TENT4A: variants seen among roughly 807,000 people sequenced by gnomAD.
TENT4A encodes terminal nucleotidyltransferase 4A, also known as DNA polymerase kappa.
Under a neutral mutation model 72.8 loss-of-function variants are expected in TENT4A, and 7 were observed. That is an observed-to-expected ratio of 0.10 (90% CI 0.05 to 0.18). The LOEUF (loss-of-function observed/expected upper bound fraction) is 0.18, where lower values mean the gene tolerates loss of function less well. TENT4A is among the 10% of genes least tolerant of loss of function. The pLI is 1.00. For synonymous variants in TENT4A, 456 were observed against 434.3 expected (o/e 1.05, Z -0.62); for missense variants, 831 against 1,017.7 (o/e 0.82, Z 2.50).
At chr5:6,718,039 G>A (rs1740471586) in intron 1 of TENT4A, among the ~76,000 whole-genome samples, 2 of 152,238 alleles carry the variant, frequency 1.3e-5, no homozygotes, top group Non-Finnish European at 2.9e-5. Context: ...GCCTTTCGAA[G>A]GCTGTGCCAT....
At chr5:6,754,211 C>T (rs949137746) in intron 12 of TENT4A, among the ~76,000 whole-genome samples, 1 of 152,208 alleles carries the variant, frequency 6.6e-6, no homozygotes, top group East Asian at 1.9e-4. Context: ...CTCCATCACC[C>T]AGGCTGGAGT....
At chr5:6,724,132 A>C (rs990485031) in intron 1 of TENT4A, among the ~76,000 whole-genome samples, 2 of 152,234 alleles carry the variant, frequency 1.3e-5, no homozygotes, top group African/African-American at 4.8e-5. Flanking sequence ...CGTCTTGCCC[A>C]AGGCGCTACT....
At chr5:6,730,761 A>AAG (rs1241355340) in intron 1 of TENT4A, among the ~76,000 whole-genome samples, 2 of 152,068 alleles carry the variant, frequency 1.3e-5, no homozygotes, top group East Asian at 3.9e-4. Flanking sequence ...AATTTAAAAA[A>AAG]AAAAAAAAAA....
rs139235364 is a variant in TENT4A, at chr5:6,720,370, GTTC to G, written c.716+5677_716+5679del. ...AGAATCCGTTGATGAGCAGGTTGTG[GTTC>G]TTCTTGTCCAACACTTTTCCCCTGA... On this transcript the variant is annotated intron_variant, in intron 1 of 12. Transcript: ENST00000230859. Among the ~76,000 whole-genome samples, 344 of 152,172 alleles carry G rather than the reference GTTC, an allele frequency of 2.3e-3. 1 individual carries two copies. Among genetic ancestry groups the G allele is most frequent in the African/African-American group, 8.1e-3 (336 of 41,504 alleles).
At position 6,713,557 on chromosome 5, in the gene TENT4A, G is replaced by T; in HGVS notation, c.-427G>T. The T allele has an allele frequency of 6.8e-6, 1 of 147,792 alleles. No homozygotes were observed. Among genetic ancestry groups the T allele is most frequent in the South Asian group, 1.8e-4 (1 of 5,420 alleles). The allele number at this position is 147,792 out of a possible 1,614,324, so 9.2% of individuals were successfully genotyped here. ...CCGCACGGGCGGCGGCGCCTCCCGC[G>T]GGTCCTTCAGCCGCTCGGCGCCTGG... On this transcript the variant is annotated 5_prime_UTR_variant, in exon 1 of 13. Transcript: ENST00000230859.
Position 6,737,630 on chromosome 5 carries a change from T to C in TENT4A, c.837T>C (p.Ala279=). The change falls in exon 2 of 13, where the codon GCT becomes GCC. Residue 279 remains alanine, a synonymous_variant. Transcript: ENST00000230859. ...ETVVKDLWPT[A]DVQIFGSFST... Reference sequence around the variant, plus strand: ...TGGTGAAAGACCTTTGGCCGACGGCTGATGTGAGTATGTTCTTTGGAGTTC... The same window carrying C: ...TGGTGAAAGACCTTTGGCCGACGGCCGATGTGAGTATGTTCTTTGGAGTTC... 1 of 1,613,784 alleles carries C rather than the reference T, an allele frequency of 6.2e-7. No homozygotes were observed. Among genetic ancestry groups the C allele is most frequent in the East Asian group, 2.2e-5 (1 of 44,882 alleles).
In TENT4A at chr5:6,748,403, C is replaced by G. The variant is rs913092634; in HGVS notation, c.1460-61C>G. 4 of 1,596,456 alleles carry G rather than the reference C, an allele frequency of 2.5e-6. No homozygotes were observed. The African/African-American group carries it at 4.0e-5, about 16-fold the overall frequency. ...TTCAGAGTCACTTGTATGAGAAGAT[C>G]CAAAACATGTGGACGATGGTGTGCA... On this transcript the variant is annotated intron_variant, in intron 7 of 12. Coordinates refer to ENST00000230859, the MANE Select transcript of TENT4A (RefSeq NM_006999.6).
At chr5:6,726,908 A>T (rs1020076534) in intron 1 of TENT4A, among the ~76,000 whole-genome samples, 1 of 151,844 alleles carries the variant, frequency 6.6e-6, no homozygotes, top group Non-Finnish European at 1.5e-5. Flanking sequence ...TGAGTCTTGG[A>T]TACTTTGTTA....
chr5:6,741,784 A>C (rs1741818838), intron 4 of TENT4A, among the ~76,000 whole-genome samples: 1 of 152,174 alleles, frequency 6.6e-6, no homozygotes, highest in Non-Finnish European at 1.5e-5. Context: ...TTTTCGTTAG[A>C]CACTGATTGT....
intron 12 of TENT4A, among the ~76,000 whole-genome samples, chr5:6,753,589 T>C (rs1165042724): frequency 6.6e-6 from 1 of 152,224 alleles, no homozygotes. Flanking sequence ...TAAGTCTCTA[T>C]ATTCTTGAAG....
intron 12 of TENT4A, 99 bp from the exon 13 acceptor site, chr5:6,754,652 A>G (rs2126664746): frequency 4.4e-6 from 4 of 900,316 alleles, no homozygotes; most frequent in African/African-American, 3.4e-5. Flanking sequence ...CCTGCTCTCT[A>G]TGTAACATCA....
rs190277010 is a variant in TENT4A at position 6,737,407 on chromosome 5, G to A, written c.717-103G>A. The A allele has an allele frequency of 7.2e-5, 76 of 1,049,060 alleles. 1 individual carries two copies. The highest frequency in any genetic ancestry group is 2.5e-4 in the Middle Eastern group (1 of 4,032). The allele number at this position is 1,049,060 out of a possible 1,614,324, so 65.0% of individuals were successfully genotyped here. A position where few individuals can be genotyped will look rare whatever the true frequency, so the allele number is the denominator to read the frequency against. On this transcript the variant is annotated intron_variant, in intron 1 of 12. Coordinates refer to ENST00000230859, the MANE Select transcript of TENT4A (RefSeq NM_006999.6). ...CAGAGGAGAAATGAAACTGAATTTCGTGGCCAGAAATATGTTTGAGCGTCA... is the reference window on the plus strand; with the variant it reads ...CAGAGGAGAAATGAAACTGAATTTCATGGCCAGAAATATGTTTGAGCGTCA...
chr5:6,726,991 A>C (rs942201190), intron 1 of TENT4A, among the ~76,000 whole-genome samples: 4 of 151,986 alleles, frequency 2.6e-5, no homozygotes, highest in Non-Finnish European at 5.9e-5. Context: ...TAGCTCTCTT[A>C]GTACATGGGC....
At chr5:6,746,889 C>G (rs1460481731) in intron 7 of TENT4A, among the ~76,000 whole-genome samples, 2 of 152,198 alleles carry the variant, frequency 1.3e-5, no homozygotes, top group Non-Finnish European at 2.9e-5. Context: ...AACGCTTACC[C>G]TTGACCCTTT....
chr5:6,727,109 G>A (rs1324231913), intron 1 of TENT4A, among the ~76,000 whole-genome samples: 1 of 152,036 alleles, frequency 6.6e-6, no homozygotes, highest in Non-Finnish European at 1.5e-5. Context: ...GTCCTTACTC[G>A]GTGTTTCTGT....
chr5:6,751,262 G>T, intron 11 of TENT4A, 65 bp downstream of exon 11: 1 of 1,499,530 alleles, frequency 6.7e-7, no homozygotes, highest in Non-Finnish European at 9.3e-7. Flanking sequence ...GCTGTGATAT[G>T]CACTAGAGGA....
At chr5:6,742,465 A>C in intron 4 of TENT4A, 25 bp from the exon 5 acceptor site, 1 of 1,444,334 alleles carries the variant, frequency 6.9e-7, no homozygotes, top group Non-Finnish European at 9.8e-7. Flanking sequence ...ATGTTAAAGC[A>C]GTTTTTAAAA....
Position 6,755,829 on chromosome 5 carries a change from A to C in TENT4A, c.*884A>C, listed in dbSNP as rs112187753. Reference sequence around the variant, plus strand: ...TTTTAAACTGGACAACAAATCCAGCATTTCAAGTGCCAGAAGTATAACTTT... The same window carrying C: ...TTTTAAACTGGACAACAAATCCAGCCTTTCAAGTGCCAGAAGTATAACTTT... On this transcript the variant is annotated 3_prime_UTR_variant, in exon 13 of 13. Transcript: ENST00000230859. 2 of 152,406 alleles carry C rather than the reference A, an allele frequency of 1.3e-5. No homozygotes were observed. Among genetic ancestry groups the C allele is most frequent in the Non-Finnish European group, 2.9e-5 (2 of 68,048 alleles). 9.4% of individuals were successfully genotyped at this position (152,406 alleles called of 1,614,324 possible).
chr5:6,738,683 G>T lies in TENT4A; in HGVS notation c.841G>T (p.Val281Leu). Residue 281 changes from valine to leucine, a missense_variant and splice_region_variant, in exon 3 of 13, where the codon GTA (valine) becomes TTA (leucine). By Grantham distance (32) the Val-to-Leu change is conservative (BLOSUM62 1). Transcript: ENST00000230859. ...VVKDLWPTAD[V>L]QIFGSFSTGL... is the part of the protein sequence containing the mutation. ...TTAAGGCAACCACTCTTTCTTTCAG[G>T]TACAGATATTTGGCAGCTTTAGTAC... is the stretch of plus-strand genomic sequence containing the variant. 1 of 1,611,574 alleles carries T rather than the reference G, an allele frequency of 6.2e-7. No homozygotes were observed. Among genetic ancestry groups the T allele is most frequent in the East Asian group, 2.2e-5 (1 of 44,886 alleles).
Sources: allele counts gnomAD v4.1 joint callset (sites outside exome capture counted in the v4.1 genomes callset), GRCh38; gene constraint gnomAD v4.1.1; transcripts MANE v1.5; gene names NCBI Gene and HGNC (gene_info 2026-07-23, HGNC 2026-07-21).